The following LAMA3 variants were observed in gnomAD, a reference collection of about 807,000 sequenced individuals.
LAMA3 encodes the protein laminin subunit alpha 3.
In LAMA3, 281 loss-of-function variants were observed where a neutral mutation model predicts 402.0. The ratio of observed to expected loss-of-function variants is 0.70; its 90% CI spans 0.63 to 0.77. The LOEUF is 0.77. Among genes scored for constraint, LAMA3 ranks in the 30% least tolerant of loss-of-function variants. The pLI is 0.00. For missense variants in LAMA3, 3,840 were observed against 4,215.5 expected (o/e 0.91, Z 2.47); for synonymous variants, 1,431 against 1,558.4 (o/e 0.92, Z 1.93).
rs186615926 is a variant in LAMA3 at position 23,896,730 on chromosome 18, C to T, written c.5613+1672C>T. ...CCTAGCAAAGCTTACAGGGGCAGGA[C>T]AAATCTACAGACCTGGATCTATGCT... On this transcript the variant is annotated intron_variant, in intron 44 of 74. Coordinates refer to ENST00000313654, the MANE Select transcript of LAMA3 (RefSeq NM_198129.4). Among the ~76,000 whole-genome samples the T allele has an allele frequency of 4.2e-4, 64 of 152,258 alleles. 1 individual carries two copies. The highest frequency in any genetic ancestry group is 3.1e-3 in the East Asian group (16 of 5,176).
intron 12 of LAMA3, among the ~76,000 whole-genome samples, chr18:23,786,730 AGGAAAT>A (rs1278135789): frequency 1.3e-5 from 2 of 152,276 alleles, no homozygotes; most frequent in Non-Finnish European, 2.9e-5. Context: ...AGAAGACTAA[AGGAAAT>A]CATGGTTAAT....
At chr18:23,867,732 A>G in intron 36 of LAMA3, 102 bp from the exon 37 acceptor site, 1 of 875,360 alleles carries the variant, frequency 1.1e-6, no homozygotes, top group South Asian at 1.3e-5. Context: ...TAAGTCAGGT[A>G]TGTCATATGA....
intron 33 of LAMA3, 119 bp downstream of exon 33, chr18:23,858,107 T>C (rs934020718): frequency 8.5e-6 from 10 of 1,173,686 alleles, no homozygotes; most frequent in Non-Finnish European, 1.2e-5. Context: ...ATGTTGATAG[T>C]GTATGTAGCA....
At chr18:23,911,031 A>G (rs1213811149) in intron 55 of LAMA3, among the ~76,000 whole-genome samples, 4 of 137,152 alleles carry the variant, frequency 2.9e-5, no homozygotes, top group Admixed American at 7.6e-5. Context: ...GTTCCATTTC[A>G]TGGTGATGCA....
Position 23,846,499 on chromosome 18 carries a change from C to T in LAMA3, c.3922C>T (p.Arg1308Cys), listed in dbSNP as rs1194052586. The change falls in exon 31 of 75, where the codon CGC becomes TGC. Residue 1308 changes from arginine to cysteine, a missense_variant. Arg to Cys is a radical substitution (Grantham distance 180, BLOSUM62 -3). This residue lies in a region of LAMA3 where 2,109 missense variants were observed against 2,376.0 expected (regional missense o/e 0.89). Coordinates refer to ENST00000313654, the MANE Select transcript of LAMA3 (RefSeq NM_198129.4). The part of the protein sequence containing the change: ...RCATGHYGFP[R>C]CKPCSCGRRL... ...TGCAACAGGCCACTACGGATTCCCA[C>T]GCTGCAAGCGTAAGTGCACGTTTCC... The T allele has an allele frequency of 6.2e-6, 10 of 1,608,112 alleles. No homozygotes were observed. Among genetic ancestry groups the T allele is most frequent in the Admixed American group, 1.7e-5 (1 of 59,986 alleles).
chr18:23,938,660 C>T (rs1246134563), intron 67 of LAMA3, among the ~76,000 whole-genome samples: 1 of 151,862 alleles, frequency 6.6e-6, no homozygotes, highest in African/African-American at 2.4e-5. Context: ...GTGGGTGTCT[C>T]GGTGCCGCTG....
chr18:23,698,104 G>A (rs530284608), intron 1 of LAMA3, among the ~76,000 whole-genome samples: 20 of 149,378 alleles, frequency 1.3e-4, no homozygotes, highest in Admixed American at 2.7e-4. Flanking sequence ...CTGAGGTCAT[G>A]GGGGTTAGGA....
chr18:23,841,766 T>G (rs898184078), intron 27 of LAMA3, among the ~76,000 whole-genome samples: 7 of 151,980 alleles, frequency 4.6e-5, no homozygotes, highest in African/African-American at 1.5e-4. Context: ...CTACAAAAAT[T>G]TAATAATTAC....
intron 39 of LAMA3, among the ~76,000 whole-genome samples, chr18:23,880,655 A>G (rs2064866724): frequency 6.6e-6 from 1 of 152,202 alleles, no homozygotes; most frequent in African/African-American, 2.4e-5. Context: ...GAGGCGGGCG[A>G]ATCATGAAGT....
chr18:23,747,738 AAGAT>A (rs1375029319), intron 2 of LAMA3, among the ~76,000 whole-genome samples: 2 of 152,210 alleles, frequency 1.3e-5, no homozygotes, highest in African/African-American at 4.8e-5. Flanking sequence ...TGGAGAAAGA[AAGAT>A]AATGATTTTT....
intron 7 of LAMA3, among the ~76,000 whole-genome samples, chr18:23,762,743 G>A (rs9944540): frequency 0.058 from 8,860 of 151,546 alleles, 572 homozygotes; most frequent in Admixed American, 0.18. Context: ...AGGGAGAATG[G>A]AGTCTCACTC....
intron 9 of LAMA3, among the ~76,000 whole-genome samples, chr18:23,774,409 G>T (rs1435232953): frequency 6.6e-6 from 1 of 152,134 alleles, no homozygotes; most frequent in South Asian, 2.1e-4. Flanking sequence ...TTGTATTATT[G>T]TCCTCATTTT....
At chr18:23,848,433 G>A (rs917639969) in intron 32 of LAMA3, among the ~76,000 whole-genome samples, 8 of 152,200 alleles carry the variant, frequency 5.3e-5, no homozygotes, top group Non-Finnish European at 8.8e-5. Context: ...GGTGGGGGCT[G>A]CAGGGGCCAG....
intron 35 of LAMA3, among the ~76,000 whole-genome samples, chr18:23,863,742 AT>A (rs1220592218): frequency 2.6e-5 from 4 of 152,070 alleles, no homozygotes; most frequent in Non-Finnish European, 4.4e-5. Flanking sequence ...CCTATAGGTT[AT>A]TTTGTTCTGT....
chr18:23,920,520 CAG>C (rs1267330992), intron 60 of LAMA3, among the ~76,000 whole-genome samples: 1 of 152,154 alleles, frequency 6.6e-6, no homozygotes, highest in African/African-American at 2.4e-5. Flanking sequence ...ACAAATGAGA[CAG>C]AGACATAAGA....
rs2063403247 is a variant in LAMA3, at chr18:23,827,342, A to T, written c.2698A>T (p.Thr900Ser). 1.9e-6 allele frequency: 3 copies of T among 1,614,050 alleles called. No individual in the cohort carries two copies. The highest frequency in any genetic ancestry group is 2.5e-6 in the Non-Finnish European group (3 of 1,180,040). Residue 900 changes from threonine (T) to serine (S), a missense_variant, in exon 23 of 75, where the codon ACC becomes TCC. Transcript: ENST00000313654. ...NCLLYQHLPV[T>S]RFPCTLACEA... ...CTTACTCTACCAGCATTTGCCAGTG[A>T]CCAGATTCCCCTGTACCCTGGCTTG... is the stretch of plus-strand genomic sequence containing the variant.
chr18:23,889,052 G>A (rs1463139560), intron 41 of LAMA3, among the ~76,000 whole-genome samples: 1 of 152,162 alleles, frequency 6.6e-6, no homozygotes. Context: ...GCCAAAGGTA[G>A]CAGCTGTAAC....
chr18:23,886,955 G>A (rs1314957655), intron 41 of LAMA3, among the ~76,000 whole-genome samples: 1 of 152,190 alleles, frequency 6.6e-6, no homozygotes, highest in Non-Finnish European at 1.5e-5. Flanking sequence ...CTTAGACTGG[G>A]GACACTGAGC....
intron 48 of LAMA3, among the ~76,000 whole-genome samples, chr18:23,901,850 C>G (rs1249262883): frequency 6.6e-6 from 1 of 152,150 alleles, no homozygotes; most frequent in Non-Finnish European, 1.5e-5. Flanking sequence ...GGCGCCACCA[C>G]GCCTGGCTAA....
Sources: gnomAD v4.1 joint callset for allele counts (sites outside exome capture counted in the v4.1 genomes callset) on GRCh38, gnomAD v4.1.1 for gene constraint, gnomAD v4.1.1 regional missense constraint, MANE v1.5 for transcripts, NCBI Gene and HGNC (gene_info 2026-07-23, HGNC 2026-07-21) for gene names.